NIN: variants seen among roughly 807,000 people sequenced by gnomAD.
NIN encodes the protein ninein.
Under a neutral mutation model 257.6 loss-of-function variants are expected in NIN, and 137 were observed. The ratio of observed to expected loss-of-function variants is 0.53; its 90% CI spans 0.46 to 0.61. The LOEUF (loss-of-function observed/expected upper bound fraction) is 0.61. NIN is among the 20% of genes least tolerant of loss of function. The pLI, the probability that NIN is intolerant of heterozygous loss-of-function variation, is 0.00. For synonymous variants in NIN, 918 were observed against 919.8 expected (o/e 1.00, Z 0.04); for missense variants, 2,439 against 2,501.2 (o/e 0.98, Z 0.53).
At chr14:50,827,319 G>A (rs2045499017) in intron 2 of NIN, among the ~76,000 whole-genome samples, 1 of 152,234 alleles carries the variant, frequency 6.6e-6, no homozygotes, top group South Asian at 2.1e-4. Flanking sequence ...ATTACTGTCA[G>A]AATGCCTCCT....
intron 3 of NIN, among the ~76,000 whole-genome samples, chr14:50,810,524 C>CA (rs1428711806): frequency 6.6e-6 from 1 of 151,810 alleles, no homozygotes; most frequent in Non-Finnish European, 1.5e-5. Flanking sequence ...GACTCCATCT[C>CA]AAAAAATATA....
At chr14:50,755,213 G>C (rs1468407837) in intron 18 of NIN, among the ~76,000 whole-genome samples, 1 of 152,098 alleles carries the variant, frequency 6.6e-6, no homozygotes, top group African/African-American at 2.4e-5. Context: ...AGTCCTACCT[G>C]TTCTGAATAC....
At chr14:50,745,020 G>C (rs2041473465) in intron 22 of NIN, among the ~76,000 whole-genome samples, 1 of 152,156 alleles carries the variant, frequency 6.6e-6, no homozygotes, top group Non-Finnish European at 1.5e-5. Flanking sequence ...TTTTCAGCTT[G>C]TTCCCTGTAC....
Position 50,754,645 on chromosome 14 carries a change from A to G in NIN, c.4665-13T>C. The G allele has an allele frequency of 6.2e-7, 1 of 1,604,826 alleles. No homozygotes were observed. The highest frequency in any genetic ancestry group is 8.5e-7 in the Non-Finnish European group (1 of 1,176,102). On this transcript the variant is annotated splice_polypyrimidine_tract_variant and intron_variant, in intron 19 of 30. Transcript: ENST00000530997. ...TTCCGTTTTTTGCCTAAAAGGAATG[A>G]TGAAAATAAAATTTAATGGTTAGGC...
intron 22 of NIN, among the ~76,000 whole-genome samples, chr14:50,746,339 T>C (rs2041537707): frequency 6.6e-6 from 1 of 152,236 alleles, no homozygotes; most frequent in South Asian, 2.1e-4. Context: ...TATGTTTATA[T>C]GGACAGGCGA....
chr14:50,769,360 A>T (rs1008316707), intron 12 of NIN, among the ~76,000 whole-genome samples: 2 of 152,160 alleles, frequency 1.3e-5, no homozygotes, highest in Admixed American at 1.3e-4. Context: ...AAAGAGAAGG[A>T]CCACTTCTTT....
At chr14:50,798,548 A>T (rs922370390) in intron 4 of NIN, among the ~76,000 whole-genome samples, 23 of 152,226 alleles carry the variant, frequency 1.5e-4, no homozygotes, top group African/African-American at 5.3e-4. Context: ...ATGATTATAT[A>T]ATTGTTTCCC....
chr14:50,761,996 C>T, intron 15 of NIN, 85 bp from the exon 16 acceptor site: 1 of 1,424,088 alleles, frequency 7.0e-7, no homozygotes, highest in African/African-American at 1.4e-5. Context: ...TCCAGTTTAA[C>T]TAAGGAATGA....
chr14:50,830,811 C>T (rs1168117166), intron 1 of NIN, 195 bp downstream of exon 1: 1 of 151,692 alleles, frequency 6.6e-6, no homozygotes, highest in Non-Finnish European at 1.5e-5. Flanking sequence ...CTCGTCCTCC[C>T]GCCCGGCCGC....
intron 3 of NIN, among the ~76,000 whole-genome samples, chr14:50,815,187 A>G (rs1428063553): frequency 6.6e-6 from 1 of 152,210 alleles, no homozygotes; most frequent in Non-Finnish European, 1.5e-5. Flanking sequence ...ACTTAAACAC[A>G]TTTACAAGAA....
chr14:50,806,137 T>C (rs1363222966), intron 4 of NIN: 1 of 152,236 alleles, frequency 6.6e-6, no homozygotes, highest in Non-Finnish European at 1.5e-5. Context: ...TTACAACCTA[T>C]GGTGCTTAGA....
chr14:50,757,273 C>T lies in NIN; in HGVS notation c.3757G>A (p.Glu1253Lys). Residue 1253 changes from glutamate to lysine, a missense_variant, in exon 18 of 31, where the codon GAA becomes AAA. Glu to Lys is a moderately conservative substitution (Grantham distance 56). Coordinates refer to ENST00000530997, the MANE Select transcript of NIN (RefSeq NM_020921.4). ...CAGTCATTTTCTCGGCTCACATCTT[C>T]ATACAACAGCTTATATTTGGGAGAA... The part of the protein sequence containing the change: ...EASPKYKLLY[E>K]DVSRENDCLQ... 6.2e-7 allele frequency: 1 copy of T among 1,614,174 alleles called. No homozygotes were observed.
chr14:50,752,498 C>G lies in NIN; in HGVS notation c.4950+20G>C. On this transcript the variant is annotated intron_variant, in intron 21 of 30. Transcript: ENST00000530997. ...TTGGGATTTCCTCAAAAAAAGCTGTCAGGTGGCTACAGGCCATACCTGCAC... is the reference window on the plus strand; with the variant it reads ...TTGGGATTTCCTCAAAAAAAGCTGTGAGGTGGCTACAGGCCATACCTGCAC... 6.4e-7 allele frequency: 1 copy of G among 1,562,692 alleles called. No individual in the cohort carries two copies. The highest frequency in any genetic ancestry group is 8.7e-7 in the Non-Finnish European group (1 of 1,147,634).
intron 12 of NIN, 125 bp downstream of exon 12, chr14:50,770,263 C>T (rs2042676083): frequency 3.2e-6 from 3 of 949,740 alleles, no homozygotes; most frequent in South Asian, 1.7e-5. Flanking sequence ...GGTGAAGACC[C>T]AGCTGGGCAA....
rs1044439849 is a variant in NIN, at chr14:50,721,207, C to T, written c.*2256G>A. 4.9e-6 allele frequency: 1 copy of T among 202,380 alleles called. No homozygotes were observed. Among genetic ancestry groups the T allele is most frequent in the African/African-American group, 2.3e-5 (1 of 43,552 alleles). The allele number at this position is 202,380 out of a possible 1,614,324, so 12.5% of individuals were successfully genotyped here. On this transcript the variant is annotated 3_prime_UTR_variant, in exon 31 of 31. Transcript: ENST00000530997. ...AAGTGGGATAAAATGAGAAATTAAG[C>T]ACCTAGATGTTGGTTAAATTCATTT...
chr14:50,798,011 G>C (rs1023906219), intron 4 of NIN, among the ~76,000 whole-genome samples: 14 of 152,070 alleles, frequency 9.2e-5, no homozygotes, highest in African/African-American at 3.4e-4. Flanking sequence ...AGGATGGGAA[G>C]GGAGAAGGGG....
chr14:50,825,327 T>C (rs930974936), intron 2 of NIN, among the ~76,000 whole-genome samples: 3 of 152,214 alleles, frequency 2.0e-5, no homozygotes, highest in Admixed American at 2.0e-4. Flanking sequence ...AACATCATTA[T>C]ATAACTAAAT....
At chr14:50,821,792 C>G in intron 3 of NIN, 82 bp downstream of exon 3, 1 of 1,089,514 alleles carries the variant, frequency 9.2e-7, no homozygotes, top group Non-Finnish European at 1.4e-6. Context: ...CAAGTTGCAA[C>G]ATGTGTGGTC....
At chr14:50,723,906 T>TA (rs2040321650) in intron 30 of NIN, 1 of 480,226 alleles carries the variant, frequency 2.1e-6, no homozygotes, top group African/African-American at 2.0e-5. Flanking sequence ...CAGTTACTAA[T>TA]AGAACAGATT....
Sources: gnomAD v4.1 joint callset for allele counts (sites outside exome capture counted in the v4.1 genomes callset) on GRCh38, gnomAD v4.1.1 for gene constraint, MANE v1.5 for transcripts, NCBI Gene and HGNC (gene_info 2026-07-23, HGNC 2026-07-21) for gene names.